The following DLG2 variants were observed in gnomAD, a reference collection of about 807,000 sequenced individuals.
DLG2 encodes discs large MAGUK scaffold protein 2, also known as disks large homolog 2.
DLG2 carries 45 observed loss-of-function variants against 132.5 expected under a neutral mutation model. The observed-to-expected ratio is 0.34, with a 90% CI of 0.27 to 0.44. DLG2 has a LOEUF of 0.44. Among genes scored for constraint, DLG2 ranks in the 20% least tolerant of loss-of-function variants. The probability of loss-of-function intolerance (pLI) is 1.00; values close to 1 mark genes in which losing one functional copy is unlikely to be tolerated. For missense variants in DLG2, 1,045 were observed against 1,196.9 expected (o/e 0.87, Z 1.87); for synonymous variants, 424 against 419.6 (o/e 1.01, Z -0.13).
intron 6 of DLG2, among the ~76,000 whole-genome samples, chr11:85,007,683 A>AG (rs1160154270): frequency 2.3e-5 from 3 of 128,136 alleles, no homozygotes; most frequent in Non-Finnish European, 5.0e-5. Flanking sequence ...AAAAAAAAAA[A>AG]AAAAAAAGAA....
intron 26 of DLG2, 160 bp from the exon 27 acceptor site, chr11:83,462,253 G>A (rs1044313599): frequency 3.5e-6 from 2 of 567,718 alleles, no homozygotes; most frequent in African/African-American, 3.8e-5. Flanking sequence ...AATAATTTCA[G>A]CAACAAGGAC....
At chr11:84,210,361 G>T (rs1192451736) in intron 8 of DLG2, among the ~76,000 whole-genome samples, 4 of 135,342 alleles carry the variant, frequency 3.0e-5, no homozygotes, top group South Asian at 2.4e-4. Context: ...ACAGGAAGGG[G>T]AATATCACAC....
At chr11:84,819,792 C>T (rs2077478243) in intron 6 of DLG2, among the ~76,000 whole-genome samples, 1 of 151,740 alleles carries the variant, frequency 6.6e-6, no homozygotes, top group Non-Finnish European at 1.5e-5. Context: ...GTGGCAGCAG[C>T]TGAATTCCAC....
chr11:84,854,924 G>A (rs1448141759), intron 6 of DLG2, among the ~76,000 whole-genome samples: 1 of 151,964 alleles, frequency 6.6e-6, no homozygotes, highest in East Asian at 1.9e-4. Flanking sequence ...CTCTGTGAGG[G>A]CAGTTGCTAA....
chr11:85,096,130 T>C (rs1160682204), intron 6 of DLG2, among the ~76,000 whole-genome samples: 2 of 152,082 alleles, frequency 1.3e-5, no homozygotes, highest in African/African-American at 4.8e-5. Context: ...CTCTGTAAAA[T>C]GGACGAATCA....
At chr11:84,436,473 A>T (rs74749802) in intron 7 of DLG2, among the ~76,000 whole-genome samples, 4,898 of 152,314 alleles carry the variant, frequency 0.032, 128 homozygotes, top group South Asian at 0.15. Context: ...TACATAAAGC[A>T]GTAAAGATAC....
chr11:83,848,654 C>T (rs2059110355), intron 16 of DLG2, among the ~76,000 whole-genome samples: 1 of 152,200 alleles, frequency 6.6e-6, no homozygotes, highest in African/African-American at 2.4e-5. Context: ...AGGCCCATGA[C>T]ATCTCTGCCA....
chr11:85,546,943 C>G (rs930671195), intron 3 of DLG2, among the ~76,000 whole-genome samples: 1 of 147,304 alleles, frequency 6.8e-6, no homozygotes, highest in African/African-American at 2.5e-5. Context: ...ATCAATGGGT[C>G]TTGACTCTTA....
At chr11:85,425,958 C>T (rs756015148) in intron 3 of DLG2, among the ~76,000 whole-genome samples, 51 of 152,202 alleles carry the variant, frequency 3.4e-4, no homozygotes, top group East Asian at 2.1e-3. Context: ...GCTTTTCCAA[C>T]GGTCTTAGCA....
intron 6 of DLG2, among the ~76,000 whole-genome samples, chr11:84,934,546 T>C (rs200377983): frequency 2.3e-5 from 3 of 128,668 alleles, no homozygotes; most frequent in Non-Finnish European, 4.9e-5. Flanking sequence ...TTTTTTTTTT[T>C]GGTGGGTAGG....
intron 4 of DLG2, among the ~76,000 whole-genome samples, chr11:85,197,375 A>G (rs2081147966): frequency 6.6e-6 from 1 of 152,192 alleles, no homozygotes; most frequent in Non-Finnish European, 1.5e-5. Context: ...TAGATACAGA[A>G]AACTTTGCAT....
chr11:85,360,783 C>T (rs1003369900), intron 3 of DLG2, among the ~76,000 whole-genome samples: 2 of 152,146 alleles, frequency 1.3e-5, no homozygotes, highest in East Asian at 1.9e-4. Context: ...TCTTCCAGGA[C>T]GCCCTTCTCA....
intron 18 of DLG2, among the ~76,000 whole-genome samples, chr11:83,661,177 A>T (rs2074171113): frequency 6.6e-6 from 1 of 152,108 alleles, no homozygotes; most frequent in Admixed American, 6.5e-5. Flanking sequence ...TCTGGGGAAA[A>T]AGCATTTGCA....
intron 18 of DLG2, among the ~76,000 whole-genome samples, chr11:83,732,191 C>T (rs1011483412): frequency 2.0e-5 from 3 of 151,700 alleles, no homozygotes; most frequent in Admixed American, 6.6e-5. Flanking sequence ...CCAGAAAGCA[C>T]GTATAGGAAG....
At chr11:84,155,243 G>A (rs572408721) in intron 9 of DLG2, among the ~76,000 whole-genome samples, 1 of 152,150 alleles carries the variant, frequency 6.6e-6, no homozygotes, top group African/African-American at 2.4e-5. Context: ...CACCAGCAAT[G>A]TATGCCCTTC....
chr11:84,265,490 C>T (rs370039666), intron 7 of DLG2, among the ~76,000 whole-genome samples: 2 of 152,122 alleles, frequency 1.3e-5, no homozygotes, highest in East Asian at 1.9e-4. Flanking sequence ...AAACTGAACT[C>T]GGATTTTAGT....
In DLG2 at chr11:84,152,639, G is replaced by GC. The variant is rs531497024; in HGVS notation, c.624+10821dup. ...CTGACCTCGTGATCTGCCTGTCTCG[G>GC]CCCCCCAAAGTGCTGGGATTACAGG... On this transcript the variant is annotated intron_variant, in intron 9 of 27. Coordinates refer to ENST00000376104, the MANE Select transcript of DLG2 (RefSeq NM_001142699.3). 3.2e-3 allele frequency among the ~76,000 whole-genome samples: 492 copies of GC among 152,110 alleles called. 3 individuals carry two copies. The highest frequency in any genetic ancestry group is 0.011 in the African/African-American group (471 of 41,476).
intron 14 of DLG2, among the ~76,000 whole-genome samples, chr11:83,942,162 A>C (rs1373450388): frequency 6.6e-6 from 1 of 152,214 alleles, no homozygotes; most frequent in African/African-American, 2.4e-5. Flanking sequence ...CATTAAAAAC[A>C]TTCCTGTGTA....
intron 18 of DLG2, among the ~76,000 whole-genome samples, chr11:83,657,369 GACTTTGGTTCTAATCCC>G (rs2072820355): frequency 1.3e-5 from 2 of 152,084 alleles, no homozygotes. Flanking sequence ...GGAGCTAAGA[GACTTTGGTTCTAATCCC>G]ACTTCTGGCA....
Sources: allele counts gnomAD v4.1 joint callset (sites outside exome capture counted in the v4.1 genomes callset), GRCh38; gene constraint gnomAD v4.1.1; transcripts MANE v1.5; gene names NCBI Gene and HGNC (gene_info 2026-07-23, HGNC 2026-07-21).